Variants in KIF25 observed in about 807,000 individuals in gnomAD.
KIF25 encodes kinesin-like protein KIF25.
In KIF25, 19 loss-of-function variants were observed where a neutral mutation model predicts 32.9. The observed-to-expected ratio is 0.58, with a 90% CI of 0.40 to 0.85. KIF25 has a LOEUF of 0.85. KIF25 is among the 40% of genes least tolerant of loss of function. The pLI is 0.00. For synonymous variants in KIF25, 225 were observed against 213.7 expected (o/e 1.05, Z -0.46); for missense variants, 485 against 507.0 (o/e 0.96, Z 0.42).
chr6:168,001,710 G>A (rs1191726169), intron 2 of KIF25, among the ~76,000 whole-genome samples: 1 of 70,250 alleles, frequency 1.4e-5, no homozygotes, highest in African/African-American at 6.5e-5. Context: ...GAAGACACCT[G>A]AGGCGTGGCC....
At position 168,010,708 on chromosome 6, in the gene KIF25, G is replaced by C. The variant is rs189799110; in HGVS notation, c.-163+7005G>C. Among the ~76,000 whole-genome samples, 451 of 152,136 alleles carry C rather than the reference G, an allele frequency of 3.0e-3. 7 individuals are homozygous for C. The highest frequency in any genetic ancestry group is 6.3e-4 in the Non-Finnish European group (43 of 67,956). The stretch of plus-strand genomic sequence containing the variant: ...ATGTGTAGATGATCTATCCAATGCT[G>C]AGAGTGGGGTGTTGAAGTCCTCAGT... On this transcript the variant is annotated intron_variant, in intron 4 of 12. Transcript: ENST00000643607.
intron 4 of KIF25, among the ~76,000 whole-genome samples, chr6:168,014,736 CT>C (rs1798691882): frequency 6.6e-6 from 1 of 152,226 alleles, no homozygotes; most frequent in Non-Finnish European, 1.5e-5. Flanking sequence ...GATGGAGAAT[CT>C]GGCTGCTGCC....
At chr6:168,005,963 G>A (rs908076858) in intron 4 of KIF25, among the ~76,000 whole-genome samples, 11 of 152,176 alleles carry the variant, frequency 7.2e-5, no homozygotes, top group Admixed American at 2.0e-4. Context: ...ATCTACTGAC[G>A]AGAACATGCT....
chr6:168,039,948 C>T lies in KIF25; in HGVS notation c.495-117C>T, dbSNP rs888862144. Reference sequence around the variant, plus strand: ...ATTGTGCCTGAGACTGGCTTCAGTACCCCACTGGCACGCGTGGCTCATGTG... The same window carrying T: ...ATTGTGCCTGAGACTGGCTTCAGTATCCCACTGGCACGCGTGGCTCATGTG... On this transcript the variant is annotated intron_variant, in intron 9 of 12. Transcript: ENST00000643607. 17 of 1,278,268 alleles carry T rather than the reference C, an allele frequency of 1.3e-5. No individual in the cohort carries two copies. In the African/African-American group the frequency reaches 1.8e-4, roughly 14 times the overall value. 79.2% of individuals were successfully genotyped at this position (1,278,268 alleles called of 1,614,324 possible).
chr6:168,028,324 A>G (rs1421914745), intron 5 of KIF25, among the ~76,000 whole-genome samples: 1 of 152,158 alleles, frequency 6.6e-6, no homozygotes, highest in African/African-American at 2.4e-5. Context: ...TGCTAGGATT[A>G]CAGGCGTGAG....
chr6:168,040,082 C>T lies in KIF25; in HGVS notation c.512C>T (p.Ser171Leu), dbSNP rs192414127. Residue 171 changes from serine (S) to leucine (L), a missense_variant, in exon 10 of 13, where the codon TCG becomes TTG. Physicochemically the swap from Ser to Leu is moderately radical, Grantham distance 145 (BLOSUM62 -2). Transcript: ENST00000643607. ...GTCTGTAGGGCTGTCGGCAGCGCCT[C>T]GAAACTGATGGAGCTCGTTCATGGA... ...LLASEAVGSA[S>L]KLMELVHGGL... 242 of 1,613,356 alleles carry T rather than the reference C, an allele frequency of 1.5e-4. 1 individual carries two copies. In the South Asian group the frequency reaches 2.4e-3, roughly 16 times the overall value.
chr6:168,034,095 T>C (rs1333836806), intron 8 of KIF25, 64 bp downstream of exon 8: 1 of 1,569,264 alleles, frequency 6.4e-7, no homozygotes, highest in African/African-American at 1.4e-5. Flanking sequence ...GTCAGCACCT[T>C]GGTTATCACG....
intron 5 of KIF25, among the ~76,000 whole-genome samples, chr6:168,020,823 A>T (rs1331694844): frequency 3.3e-5 from 5 of 152,056 alleles, no homozygotes; most frequent in Admixed American, 3.3e-4. Context: ...AGATGGAAAA[A>T]GGAAAGGGAT....
intron 5 of KIF25, among the ~76,000 whole-genome samples, chr6:168,029,275 G>T (rs892248694): frequency 2.0e-5 from 3 of 152,170 alleles, no homozygotes; most frequent in Admixed American, 2.0e-4. Context: ...GCCAACCCTT[G>T]CCATAGATTA....
intron 5 of KIF25, among the ~76,000 whole-genome samples, chr6:168,024,169 T>C (rs1275672403): frequency 6.6e-6 from 1 of 152,082 alleles, no homozygotes; most frequent in African/African-American, 2.4e-5. Flanking sequence ...GTCTGTGCAC[T>C]AAAAACAGTA....
At chr6:168,038,449 A>G in intron 8 of KIF25, 104 bp from the exon 9 acceptor site, 4 of 1,109,594 alleles carry the variant, frequency 3.6e-6, no homozygotes, top group South Asian at 1.4e-5. Context: ...GGACCCCAGC[A>G]GTCTTACTGA....
intron 6 of KIF25, among the ~76,000 whole-genome samples, chr6:168,030,136 T>G (rs1583139657): frequency 6.6e-6 from 1 of 152,208 alleles, no homozygotes; most frequent in East Asian, 1.9e-4. Flanking sequence ...ACGGCATTTT[T>G]TGGACGTTGC....
At chr6:168,030,274 T>G (rs1583139715) in intron 6 of KIF25, among the ~76,000 whole-genome samples, 1 of 152,194 alleles carries the variant, frequency 6.6e-6, no homozygotes, top group African/African-American at 2.4e-5. Flanking sequence ...GAAAACAAGA[T>G]TTTTAAGAGC....
At chr6:168,020,530 T>C (rs2114885181) in intron 5 of KIF25, among the ~76,000 whole-genome samples, 1 of 152,022 alleles carries the variant, frequency 6.6e-6, no homozygotes. Flanking sequence ...CAATGGATTG[T>C]GGAGCTCATG....
intron 12 of KIF25, 96 bp from the exon 13 acceptor site, chr6:168,044,731 C>T: frequency 1.5e-6 from 2 of 1,308,286 alleles, no homozygotes; most frequent in Non-Finnish European, 1.0e-6. Flanking sequence ...GCGGCCCTCT[C>T]TGCAGCCGCC....
intron 5 of KIF25, among the ~76,000 whole-genome samples, chr6:168,018,361 A>C (rs1377938921): frequency 6.6e-6 from 1 of 152,140 alleles, no homozygotes; most frequent in African/African-American, 2.4e-5. Context: ...CCTGTAGGCT[A>C]ATGTGTGTGT....
intron 5 of KIF25, among the ~76,000 whole-genome samples, chr6:168,024,888 T>C (rs1161511022): frequency 1.3e-5 from 2 of 151,860 alleles, no homozygotes; most frequent in African/African-American, 4.8e-5. Context: ...TCATCTCTAC[T>C]AAAAATACAA....
At chr6:168,039,964 G>C in intron 9 of KIF25, 101 bp from the exon 10 acceptor site, 1 of 1,401,880 alleles carries the variant, frequency 7.1e-7, no homozygotes, top group Non-Finnish European at 9.5e-7. Flanking sequence ...TGGCACGCGT[G>C]GCTCATGTGA....
chr6:168,010,052 T>A (rs1449100366), intron 4 of KIF25, among the ~76,000 whole-genome samples: 1 of 152,020 alleles, frequency 6.6e-6, no homozygotes, highest in Non-Finnish European at 1.5e-5. Context: ...CTTGTGTCAA[T>A]TTCTTTTATT....
Sources: allele counts gnomAD v4.1 joint callset (sites outside exome capture counted in the v4.1 genomes callset), GRCh38; gene constraint gnomAD v4.1.1; transcripts MANE v1.5; gene names NCBI Gene and HGNC (gene_info 2026-07-23, HGNC 2026-07-21).